Variants in ANK3 observed in about 807,000 individuals in gnomAD.
ANK3 encodes the protein ankyrin 3.
A neutral mutation model predicts 370.9 loss-of-function variants in ANK3; 57 were observed. That is an observed-to-expected ratio of 0.15 (90% CI 0.12 to 0.19). The LOEUF (loss-of-function observed/expected upper bound fraction) is 0.19, where lower values mean the gene tolerates loss of function less well. Among genes scored for constraint, ANK3 ranks in the 10% least tolerant of loss-of-function variants. The pLI, the probability that ANK3 is intolerant of heterozygous loss-of-function variation, is 1.00. For missense variants in ANK3, 4,439 were observed against 5,302.1 expected (o/e 0.84, Z 5.06); for synonymous variants, 1,929 against 1,946.3 (o/e 0.99, Z 0.23).
chr10:60,423,841 AT>A (rs1420826555), intron 2 of ANK3, among the ~76,000 whole-genome samples: 1 of 152,078 alleles, frequency 6.6e-6, no homozygotes, highest in African/African-American at 2.4e-5. Context: ...TGCAAGGTTT[AT>A]GTATTCTAGA....
intron 2 of ANK3, among the ~76,000 whole-genome samples, chr10:60,440,196 G>A (rs2064264882): frequency 6.6e-6 from 1 of 152,160 alleles, no homozygotes; most frequent in South Asian, 2.1e-4. Flanking sequence ...ACTCGGTGGA[G>A]TTTCTCAAAG....
At chr10:60,534,575 C>A (rs375231019) in intron 2 of ANK3, among the ~76,000 whole-genome samples, 6 of 152,216 alleles carry the variant, frequency 3.9e-5, no homozygotes, top group African/African-American at 1.4e-4. Context: ...CATCTCATTA[C>A]TGTAGGGCAG....
intron 1 of ANK3, among the ~76,000 whole-genome samples, chr10:60,302,921 C>T (rs1417865959): frequency 3.3e-5 from 5 of 151,822 alleles, no homozygotes; most frequent in East Asian, 1.9e-4. Context: ...TCTAGTCAAT[C>T]GAACTTCGGC....
At chr10:60,206,808 TA>T (rs1439117872) in intron 10 of ANK3, among the ~76,000 whole-genome samples, 3 of 152,212 alleles carry the variant, frequency 2.0e-5, no homozygotes, top group Non-Finnish European at 2.9e-5. Flanking sequence ...CTGTGGCACG[TA>T]TTTCAGCTGC....
At chr10:60,675,723 G>A (rs750939011) in intron 1 of ANK3, among the ~76,000 whole-genome samples, 1 of 152,186 alleles carries the variant, frequency 6.6e-6, no homozygotes, top group Admixed American at 6.5e-5. Context: ...GCCTAGAATT[G>A]TACACTAAAT....
intron 2 of ANK3, among the ~76,000 whole-genome samples, chr10:60,419,657 C>A (rs1350695943): frequency 6.6e-6 from 1 of 152,126 alleles, no homozygotes; most frequent in Non-Finnish European, 1.5e-5. Flanking sequence ...CAGGAAGAAA[C>A]AGAGTCCCTT....
At chr10:60,438,104 T>A (rs1005772595) in intron 2 of ANK3, among the ~76,000 whole-genome samples, 2 of 152,162 alleles carry the variant, frequency 1.3e-5, no homozygotes, top group Non-Finnish European at 2.9e-5. Flanking sequence ...TGTATGATGG[T>A]CATACCTAAT....
At chr10:60,196,397 C>G in intron 15 of ANK3, 130 bp downstream of exon 15, 2 of 916,422 alleles carry the variant, frequency 2.2e-6, no homozygotes, top group Non-Finnish European at 3.4e-6. Context: ...CTTTTATTTC[C>G]CAAGTGCTCT....
At chr10:60,035,445 G>A (rs895882599) in intron 43 of ANK3, among the ~76,000 whole-genome samples, 9 of 151,670 alleles carry the variant, frequency 5.9e-5, no homozygotes, top group African/African-American at 2.2e-4. Context: ...AATGGGTGGG[G>A]TTTCACCATG....
At chr10:60,357,830 C>T (rs78880049) in intron 1 of ANK3, among the ~76,000 whole-genome samples, 4,992 of 152,240 alleles carry the variant, frequency 0.033, 95 homozygotes, top group Non-Finnish European at 0.049. Context: ...CTGACTGCCA[C>T]TCTGCCAACC....
chr10:60,277,243 A>G (rs2098104427), intron 4 of ANK3, among the ~76,000 whole-genome samples: 2 of 152,214 alleles, frequency 1.3e-5, no homozygotes, highest in South Asian at 2.1e-4. Flanking sequence ...GACTCCCAAT[A>G]TCCAAAGATA....
chr10:60,425,065 G>A (rs555450881), intron 2 of ANK3, among the ~76,000 whole-genome samples: 1 of 152,006 alleles, frequency 6.6e-6, no homozygotes, highest in Non-Finnish European at 1.5e-5. Flanking sequence ...TGTTCATAGG[G>A]TGCTTGTGGA....
chr10:60,447,554 G>T (rs1377847980), intron 2 of ANK3, among the ~76,000 whole-genome samples: 1 of 152,094 alleles, frequency 6.6e-6, no homozygotes. Context: ...CTGCATGTGG[G>T]GGGGAAAAAA....
intron 7 of ANK3, among the ~76,000 whole-genome samples, chr10:60,237,330 G>A (rs765232478): frequency 6.6e-6 from 1 of 152,176 alleles, no homozygotes; most frequent in Non-Finnish European, 1.5e-5. Context: ...AGGAAACACC[G>A]ACCAATAGGA....
At chr10:60,037,483 T>G (rs1345433933) in intron 43 of ANK3, among the ~76,000 whole-genome samples, 1 of 152,214 alleles carries the variant, frequency 6.6e-6, no homozygotes, top group African/African-American at 2.4e-5. Flanking sequence ...GTCTGTTTTT[T>G]CCCTTTTTGT....
Position 60,395,944 on chromosome 10 carries a change from C to T in ANK3, c.97-116305G>A, listed in dbSNP as rs1290949067. ...CAGCACAATGCTTTCTAGGTCAGAT[C>T]TCTTTTCGCTACCCATGAAACTTAC... On this transcript the variant is annotated intron_variant, in intron 2 of 43. Coordinates refer to the ANK3 transcript ENST00000373827. Among the ~76,000 whole-genome samples the T allele has an allele frequency of 2.0e-5, 3 of 152,256 alleles. No homozygotes were observed. In the South Asian group the frequency reaches 6.2e-4, roughly 32 times the overall value.
rs58784962 is a variant in ANK3, at chr10:60,642,367, G to A, written c.58-27143C>T. Among the ~76,000 whole-genome samples, 297 of 151,818 alleles carry A rather than the reference G, an allele frequency of 2.0e-3. 1 individual carries two copies. The highest frequency in any genetic ancestry group is 6.8e-3 in the African/African-American group (281 of 41,364). On this transcript the variant is annotated intron_variant, in intron 1 of 43. Transcript: ENST00000373827. ...TTGCGGCACTATTCACAATAGCAAA[G>A]ACTTGGAACCAACCCAAATGTCCAA...
intron 9 of ANK3, among the ~76,000 whole-genome samples, chr10:60,209,578 T>C (rs1207339463): frequency 1.3e-5 from 2 of 152,202 alleles, no homozygotes; most frequent in Non-Finnish European, 2.9e-5. Context: ...AAAGGCCTCG[T>C]ACACTGTCAG....
chr10:60,726,838 T>G (rs1310603328), intron 1 of ANK3, among the ~76,000 whole-genome samples: 1 of 152,164 alleles, frequency 6.6e-6, no homozygotes, highest in African/African-American at 2.4e-5. Flanking sequence ...CTTGTTTTCC[T>G]TCTGTAACTA....
Sources: gnomAD v4.1 joint callset for allele counts (sites outside exome capture counted in the v4.1 genomes callset) on GRCh38, gnomAD v4.1.1 for gene constraint, MANE v1.5 for transcripts, NCBI Gene and HGNC (gene_info 2026-07-23, HGNC 2026-07-21) for gene names.